The following DCC variants were observed in gnomAD, a reference collection of about 807,000 sequenced individuals.
DCC encodes DCC netrin 1 receptor, also known as netrin receptor DCC.
DCC carries 58 observed loss-of-function variants against 172.5 expected under a neutral mutation model. The ratio of observed to expected loss-of-function variants is 0.34; its 90% CI spans 0.27 to 0.42. The LOEUF (loss-of-function observed/expected upper bound fraction) is 0.42, where lower values mean the gene tolerates loss of function less well. DCC is among the 10% of genes least tolerant of loss of function. The pLI, the probability that DCC is intolerant of heterozygous loss-of-function variation, is 1.00. For synonymous variants in DCC, 709 were observed against 644.5 expected, an observed-to-expected ratio of 1.10 and a Z score of -1.52; for missense variants, 1,740 against 1,791.0, an observed-to-expected ratio of 0.97 and a Z score of 0.51.
At chr18:52,376,845 G>T (rs1985369945) in intron 1 of DCC, among the ~76,000 whole-genome samples, 1 of 152,178 alleles carries the variant, frequency 6.6e-6, no homozygotes, top group African/African-American at 2.4e-5. Context: ...AACATTCAAA[G>T]ACGCAAATGT....
chr18:52,340,984 T>C (rs1983606027), intron 1 of DCC, 106 bp downstream of exon 1: 1 of 933,532 alleles, frequency 1.1e-6, no homozygotes, highest in Admixed American at 1.8e-5. Context: ...TAGCAAGAGA[T>C]TTGGCGCTTG....
Position 52,543,502 on chromosome 18 carries a change from C to G in DCC, c.91+202624C>G, listed in dbSNP as rs370333050. ...AAACCAACCTTGAATTGCTGTAATTCAAGAAAGTATTCTTATTTGACTATC... is the reference window on the plus strand; with the variant it reads ...AAACCAACCTTGAATTGCTGTAATTGAAGAAAGTATTCTTATTTGACTATC... On this transcript the variant is annotated intron_variant, in intron 1 of 28. Coordinates refer to ENST00000442544, the MANE Select transcript of DCC (RefSeq NM_005215.4). Among the ~76,000 whole-genome samples the G allele has an allele frequency of 2.0e-3, 298 of 152,240 alleles. 2 individuals carry two copies. Among genetic ancestry groups the G allele is most frequent in the African/African-American group, 7.0e-3 (290 of 41,548 alleles).
chr18:52,655,992 ATATATGTGCG>A (rs1407171034), intron 1 of DCC, among the ~76,000 whole-genome samples: 33 of 146,528 alleles, frequency 2.3e-4, no homozygotes, highest in African/African-American at 7.2e-4. Context: ...GTGTGTATAT[ATATATGTGCG>A]TATATATATA....
At chr18:52,973,541 A>G (rs2041064646) in intron 5 of DCC, among the ~76,000 whole-genome samples, 1 of 151,870 alleles carries the variant, frequency 6.6e-6, no homozygotes, top group Admixed American at 6.6e-5. Flanking sequence ...CAGAGCTCCA[A>G]CTCTCTGCCT....
rs1200215576 is a variant in DCC at position 53,074,276 on chromosome 18, C to A, written c.1261+8110C>A. The stretch of plus-strand genomic sequence containing the variant: ...TTCATGTGCCATACTACAATGTTAA[C>A]CGACCCAAGCAGGTAAATGGGTCCT... On this transcript the variant is annotated intron_variant, in intron 7 of 28. Coordinates refer to ENST00000442544, the MANE Select transcript of DCC (RefSeq NM_005215.4). 2.0e-5 allele frequency among the ~76,000 whole-genome samples: 3 copies of A among 152,124 alleles called. No individual in the cohort carries two copies. The East Asian group carries it at 5.8e-4, about 29-fold the overall frequency.
At chr18:53,052,590 T>C (rs2042348168) in intron 5 of DCC, among the ~76,000 whole-genome samples, 1 of 152,150 alleles carries the variant, frequency 6.6e-6, no homozygotes, top group South Asian at 2.1e-4. Flanking sequence ...GTTTGAAGTC[T>C]GGATGTTTCA....
At chr18:52,393,915 G>A (rs1169091464) in intron 1 of DCC, among the ~76,000 whole-genome samples, 5 of 152,028 alleles carry the variant, frequency 3.3e-5, no homozygotes, top group Middle Eastern at 3.4e-3. Flanking sequence ...CATGATTTTT[G>A]CAATTTTGTG....
intron 7 of DCC, among the ~76,000 whole-genome samples, chr18:53,145,364 C>T (rs1361250759): frequency 3.3e-5 from 5 of 152,060 alleles, no homozygotes; most frequent in African/African-American, 1.2e-4. Flanking sequence ...CCGCCCGCCT[C>T]GGCCTCCCGA....
intron 14 of DCC, among the ~76,000 whole-genome samples, chr18:53,327,471 G>A (rs1439949130): frequency 6.6e-6 from 1 of 151,934 alleles, no homozygotes; most frequent in East Asian, 1.9e-4. Context: ...TTTTTGGAGT[G>A]AAGAGGTGAA....
chr18:53,151,544 T>C (rs569764089), intron 7 of DCC, among the ~76,000 whole-genome samples: 11 of 152,342 alleles, frequency 7.2e-5, no homozygotes, highest in African/African-American at 2.6e-4. Flanking sequence ...TGTGAGATAA[T>C]GCATTGTCAA....
chr18:53,232,289 C>A (rs2056134336), intron 12 of DCC, among the ~76,000 whole-genome samples: 1 of 152,140 alleles, frequency 6.6e-6, no homozygotes, highest in African/African-American at 2.4e-5. Context: ...ACTTGTCATC[C>A]TCCTCTGCAT....
At chr18:53,402,235 A>G (rs1909342284) in intron 18 of DCC, among the ~76,000 whole-genome samples, 1 of 152,076 alleles carries the variant, frequency 6.6e-6, no homozygotes, top group Non-Finnish European at 1.5e-5. Flanking sequence ...AATCAAAATT[A>G]AAATTAAAAA....
intron 27 of DCC, among the ~76,000 whole-genome samples, chr18:53,507,892 C>CTT (rs780896758): frequency 3.8e-4 from 50 of 130,960 alleles, no homozygotes; most frequent in South Asian, 7.2e-4. Flanking sequence ...ACAGATACCA[C>CTT]TTTTTTTTTT....
At chr18:53,428,338 T>TACATA (rs1911214223) in intron 21 of DCC, among the ~76,000 whole-genome samples, 1 of 60,674 alleles carries the variant, frequency 1.6e-5, no homozygotes, top group Non-Finnish European at 3.3e-5. Flanking sequence ...TAATATATTG[T>TACATA]ATATAATATA....
chr18:52,719,456 C>A (rs80317860), intron 1 of DCC, among the ~76,000 whole-genome samples: 2 of 152,104 alleles, frequency 1.3e-5, no homozygotes, highest in African/African-American at 4.8e-5. Flanking sequence ...GGGAGGTTAT[C>A]CACACGTCCA....
intron 5 of DCC, among the ~76,000 whole-genome samples, chr18:53,008,534 A>G (rs2041679923): frequency 6.6e-6 from 1 of 152,058 alleles, no homozygotes; most frequent in South Asian, 2.1e-4. Context: ...TTTACTTGTA[A>G]GTGAATTATC....
intron 25 of DCC, among the ~76,000 whole-genome samples, chr18:53,468,921 G>A (rs1482647730): frequency 6.6e-6 from 1 of 152,042 alleles, no homozygotes; most frequent in Non-Finnish European, 1.5e-5. Context: ...TGATACCCTA[G>A]ATGGTTAGTT....
intron 5 of DCC, among the ~76,000 whole-genome samples, chr18:53,009,915 A>G (rs753581058): frequency 6.6e-6 from 1 of 151,938 alleles, no homozygotes; most frequent in Non-Finnish European, 1.5e-5. Flanking sequence ...ATATTGTTGA[A>G]TACCCAGAGT....
intron 1 of DCC, among the ~76,000 whole-genome samples, chr18:52,710,311 C>T (rs947100827): frequency 6.6e-6 from 1 of 152,200 alleles, no homozygotes; most frequent in Admixed American, 6.5e-5. Context: ...TGATGAGCTG[C>T]AGTGAGCTAT....
Sources: allele counts gnomAD v4.1 joint callset (sites outside exome capture counted in the v4.1 genomes callset), GRCh38; gene constraint gnomAD v4.1.1; transcripts MANE v1.5; gene names NCBI Gene and HGNC (gene_info 2026-07-23, HGNC 2026-07-21).